Variants in BST2 observed in about 807,000 individuals in gnomAD.
BST2 encodes the protein bone marrow stromal cell antigen 2.
A neutral mutation model predicts 18.6 loss-of-function variants in BST2; 10 were observed. The ratio of observed to expected loss-of-function variants is 0.54; its 90% confidence interval spans 0.33 to 0.91. The LOEUF is 0.91. Ranked by LOEUF, BST2 falls within the 40% of genes least tolerant of loss-of-function variation. The probability of loss-of-function intolerance (pLI) is 0.02; values close to 1 mark genes in which losing one functional copy is unlikely to be tolerated. For missense variants in BST2, 183 were observed against 228.4 expected (o/e 0.80, Z 1.28); for synonymous variants, 75 against 96.8 (o/e 0.77, Z 1.32).
In BST2 at chr19:17,403,127, G is replaced by C. The variant is rs2074705613; in HGVS notation, c.*215C>G. 1 of 985,590 alleles carries C rather than the reference G, an allele frequency of 1.0e-6. No individual in the cohort carries two copies. Among genetic ancestry groups the C allele is most frequent in the African/African-American group, 1.8e-5 (1 of 57,124 alleles). The allele number at this position is 985,590 out of a possible 1,614,324, so 61.1% of individuals were successfully genotyped here. On this transcript the variant is annotated 3_prime_UTR_variant, in exon 5 of 5. Transcript: ENST00000252593. ...ATTGTCCGGAGGGAGGCTCTGGAGG[G>C]AGACAGCCCTGGGTCAACCCGACTG...
Position 17,405,604 on chromosome 19 carries a change from G to T in BST2, c.-29C>A. On this transcript the variant is annotated 5_prime_UTR_variant, in exon 1 of 5. Coordinates refer to ENST00000252593, the MANE Select transcript of BST2 (RefSeq NM_004335.4). ...GATCTCCCCTTTAGAGTCTGGCCTG[G>T]AGTTAGGGGAGGGTGCTGGAATCTT... The T allele has an allele frequency of 1.5e-6, 1 of 682,692 alleles. No homozygotes were observed. The highest frequency in any genetic ancestry group is 2.4e-6 in the Non-Finnish European group (1 of 423,856). 42.3% of individuals were successfully genotyped at this position (682,692 alleles called of 1,614,324 possible).
At chr19:17,404,001 G>A (rs1192311241) in intron 3 of BST2, 128 bp downstream of exon 3, 2 of 1,334,714 alleles carry the variant, frequency 1.5e-6, no homozygotes, top group Admixed American at 2.1e-5. Context: ...CCTTTTGTGG[G>A]ACTCAAACTT....
Position 17,405,389 on chromosome 19 carries a change from A to C in BST2, c.187T>G (p.Cys63Gly). 1 of 1,614,070 alleles carries C rather than the reference A, an allele frequency of 6.2e-7. No individual in the cohort carries two copies. The highest frequency in any genetic ancestry group is 2.2e-5 in the East Asian group (1 of 44,862). Residue 63 changes from cysteine to glycine, a missense_variant, in exon 1 of 5, where the codon TGT becomes GGT. By Grantham distance (159) the Cys-to-Gly change is radical (BLOSUM62 -3). Coordinates refer to ENST00000252593, the MANE Select transcript of BST2 (RefSeq NM_004335.4). The stretch of plus-strand genomic sequence containing the variant: ...TGCAGGAGATGGGTGACATTGCGAC[A>C]CTCCATCACTGCCCGAAGGCCGTCC... ...CRDGLRAVME[C>G]RNVTHLLQQE...
intron 4 of BST2, 130 bp from the exon 5 acceptor site, chr19:17,403,456 C>T: frequency 1.4e-6 from 1 of 698,764 alleles, no homozygotes; most frequent in Non-Finnish European, 1.8e-6. Context: ...TCCCCTCCAT[C>T]GATAGACCCG....
rs758318810 is a variant in BST2, at chr19:17,403,815, G to A, written c.423C>T (p.Asn141=). The A allele has an allele frequency of 6.4e-7, 1 of 1,559,778 alleles. No homozygotes were observed. The highest frequency in any genetic ancestry group is 1.1e-5 in the South Asian group (1 of 88,684). ...SAEVERLRRE[N]QVLSVRIADK... ...CCGCGATTCTCACGCTTAAGACCTG[G>A]TTTTCTCTTCTGCGGTACAGATGGC... is the stretch of plus-strand genomic sequence containing the variant. Residue 141 remains asparagine, a synonymous_variant, in exon 4 of 5, where the codon AAC becomes AAT. Transcript: ENST00000252593.
At chr19:17,404,019 T>G (rs2074711249) in intron 3 of BST2, 110 bp downstream of exon 3, 1 of 1,383,162 alleles carries the variant, frequency 7.2e-7, no homozygotes, top group South Asian at 1.3e-5. Flanking sequence ...CTTTATCCCT[T>G]GGGGCAATGG....
At chr19:17,404,309 C>G in intron 2 of BST2, 62 bp downstream of exon 2, 1 of 1,518,882 alleles carries the variant, frequency 6.6e-7, no homozygotes, top group South Asian at 1.1e-5. Flanking sequence ...TCTCCCTGCC[C>G]CCACCCCCTC....
rs776573039 is a variant in BST2 at position 17,405,415 on chromosome 19, C to A, written c.161G>T (p.Arg54Leu). 2 of 1,614,124 alleles carry A rather than the reference C, an allele frequency of 1.2e-6. No homozygotes were observed. Among genetic ancestry groups the A allele is most frequent in the Admixed American group, 3.3e-5 (2 of 60,006 alleles). ...CTCCATCACTGCCCGAAGGCCGTCC[C>A]GGCAGGCCTCGCTGTTGGCCTTGAT... ...FTIKANSEAC[R>L]DGLRAVMECR... Residue 54 changes from arginine to leucine, a missense_variant, in exon 1 of 5, where the codon CGG becomes CTG. By Grantham distance (102) the Arg-to-Leu change is moderately radical. Transcript: ENST00000252593.
Position 17,403,124 on chromosome 19 carries a change from A to C in BST2, c.*218T>G. The C allele has an allele frequency of 7.1e-6, 7 of 985,584 alleles. No individual in the cohort carries two copies. The highest frequency in any genetic ancestry group is 8.4e-6 in the Non-Finnish European group (7 of 830,240). 61.1% of individuals were successfully genotyped at this position (985,584 alleles called of 1,614,324 possible). A position where few individuals can be genotyped will look rare whatever the true frequency, so the allele number is the denominator to read the frequency against. ...CTCATTGTCCGGAGGGAGGCTCTGGAGGGAGACAGCCCTGGGTCAACCCGA... is the reference window on the plus strand; with the variant it reads ...CTCATTGTCCGGAGGGAGGCTCTGGCGGGAGACAGCCCTGGGTCAACCCGA... On this transcript the variant is annotated 3_prime_UTR_variant, in exon 5 of 5. Coordinates refer to ENST00000252593, the MANE Select transcript of BST2 (RefSeq NM_004335.4).
At position 17,403,808 on chromosome 19, in the gene BST2, A is replaced by C; in HGVS notation, c.430T>G (p.Leu144Val). 1 of 1,598,218 alleles carries C rather than the reference A, an allele frequency of 6.3e-7. No homozygotes were observed. Among genetic ancestry groups the C allele is most frequent in the Non-Finnish European group, 8.5e-7 (1 of 1,175,388 alleles). The change falls in exon 4 of 5, where the codon TTA (leucine) becomes GTA (valine). Residue 144 changes from leucine to valine, a missense_variant. Leu to Val is a conservative substitution (Grantham distance 32). Transcript: ENST00000252593. ...TTCTTGTCCGCGATTCTCACGCTTA[A>C]GACCTGGTTTTCTCTTCTGCGGTAC... The part of the protein sequence containing the change: ...VERLRRENQV[L>V]SVRIADKKYY...
chr19:17,404,304 C>CA, intron 2 of BST2, 67 bp downstream of exon 2: 1 of 1,526,940 alleles, frequency 6.5e-7, no homozygotes, highest in Non-Finnish European at 9.1e-7. Context: ...CCTGGTCTCC[C>CA]TGCCCCCACC....
chr19:17,403,632 C>T lies in BST2; in HGVS notation c.*15+48G>A, dbSNP rs531982010. 58 of 1,579,766 alleles carry T rather than the reference C, an allele frequency of 3.7e-5. 3 individuals carry two copies. The highest frequency in any genetic ancestry group is 3.5e-4 in the African/African-American group (26 of 74,192). On this transcript the variant is annotated intron_variant, in intron 4 of 4. Transcript: ENST00000252593. ...TCGGAGCCTCTGCTTCCCCGCCCCG[C>T]TTCCCCAGCTTTCTTCTCCCTCCCG...
chr19:17,404,301 T>G, intron 2 of BST2, 70 bp downstream of exon 2: 1 of 1,504,328 alleles, frequency 6.6e-7, no homozygotes, highest in Non-Finnish European at 9.2e-7. Flanking sequence ...AGCCCTGGTC[T>G]CCCTGCCCCC....
chr19:17,405,251 C>T (rs778086890), intron 1 of BST2, 40 bp downstream of exon 1: 52 of 1,537,934 alleles, frequency 3.4e-5, no homozygotes, highest in African/African-American at 4.1e-5. Context: ...TCCCTCCCAC[C>T]GCCTAGTACT....
At position 17,405,520 on chromosome 19, in the gene BST2, C is replaced by A. The variant is rs376557702; in HGVS notation, c.56G>T (p.Arg19Leu). The A allele has an allele frequency of 5.6e-6, 9 of 1,614,198 alleles. No individual in the cohort carries two copies. The South Asian group carries it at 7.7e-5, about 14-fold the overall frequency. Residue 19 changes from arginine to leucine, a missense_variant, in exon 1 of 5, where the codon CGC (arginine) becomes CTC (leucine). By Grantham distance (102) the Arg-to-Leu change is moderately radical (BLOSUM62 -2). Coordinates refer to ENST00000252593, the MANE Select transcript of BST2 (RefSeq NM_004335.4). ...TCCTATCCCCAGCAGAAGCTTACAG[C>A]GCTTATCCCCGTCTTCCATGGGCAC... ...CRVPMEDGDK[R>L]CKLLLGIGIL... is the part of the protein sequence containing the mutation.
intron 1 of BST2, 52 bp from the exon 2 acceptor site, chr19:17,404,489 C>T (rs1237230943): frequency 1.2e-6 from 2 of 1,613,302 alleles, no homozygotes; most frequent in East Asian, 2.2e-5. Context: ...GGCTGCTGCC[C>T]CTGGGACCTG....
Position 17,404,201 on chromosome 19 carries a change from G to C in BST2, c.353-12C>G, listed in dbSNP as rs1157073536. ...TGTAGTGATCTCTCCTGGTAGGGTG[G>C]GAGGACAGAAACAGGGGGCGGGTCA... On this transcript the variant is annotated splice_polypyrimidine_tract_variant and intron_variant, in intron 2 of 4. Coordinates refer to ENST00000252593, the MANE Select transcript of BST2 (RefSeq NM_004335.4). The C allele has an allele frequency of 2.5e-6, 4 of 1,602,256 alleles. No individual in the cohort carries two copies. In the South Asian group the frequency reaches 3.3e-5, roughly 13 times the overall value.
Position 17,403,722 on chromosome 19 carries a change from C to A in BST2, c.516G>T (p.Leu172=). 1 of 1,613,772 alleles carries A rather than the reference C, an allele frequency of 6.2e-7. No homozygotes were observed. The highest frequency in any genetic ancestry group is 8.5e-7 in the Non-Finnish European group (1 of 1,179,972). The change falls in exon 4 of 5, where the codon CTG becomes CTT. Residue 172 remains leucine, a synonymous_variant. Coordinates refer to ENST00000252593, the MANE Select transcript of BST2 (RefSeq NM_004335.4). The stretch of plus-strand genomic sequence containing the variant: ...ACTGCAGCAGAGCGCTGAGGCCCAG[C>A]AGCACAATCAGCAGCTGGGGCGCCG... The part of the protein sequence containing the change: ...SAAAPQLLIV[L]LGLSALLQ
chr19:17,404,017 C>T (rs987577218), intron 3 of BST2, 112 bp downstream of exon 3: 1 of 1,390,084 alleles, frequency 7.2e-7, no homozygotes, highest in Non-Finnish European at 9.9e-7. Context: ...AACTTTATCC[C>T]TTGGGGCAAT....
Sources: gnomAD v4.1 joint callset for allele counts on GRCh38, gnomAD v4.1.1 for gene constraint, MANE v1.5 for transcripts, NCBI Gene and HGNC (gene_info 2026-07-23, HGNC 2026-07-21) for gene names.